Variants in CTNND2 observed in about 807,000 individuals in gnomAD.
CTNND2 encodes the protein catenin delta 2, also known as catenin delta-2.
In CTNND2, 22 loss-of-function variants were observed where a neutral mutation model predicts 144.4. The observed-to-expected ratio is 0.15, with a 90% confidence interval of 0.11 to 0.22. The LOEUF is 0.22. Ranked by LOEUF, CTNND2 falls within the 10% of genes least tolerant of loss-of-function variation. The pLI is 1.00. For synonymous variants in CTNND2, 751 were observed against 695.6 expected, an observed-to-expected ratio of 1.08 and a Z score of -1.25; for missense variants, 1,353 against 1,618.8, an observed-to-expected ratio of 0.84 and a Z score of 2.82.
At position 11,462,556 on chromosome 5, in the gene CTNND2, T is replaced by C. The variant is rs1449317428; in HGVS notation, c.288-50487A>G. ...TATAGAAGAAAGATTCTATTTTTTTTTTCCCCAGAGTAACAGAAGAATATA... is the reference window on the plus strand; with the variant it reads ...TATAGAAGAAAGATTCTATTTTTTTCTTCCCCAGAGTAACAGAAGAATATA... On this transcript the variant is annotated intron_variant, in intron 3 of 21. Transcript: ENST00000304623. Among the ~76,000 whole-genome samples, 3 of 151,896 alleles carry C rather than the reference T, an allele frequency of 2.0e-5. No individual in the cohort carries two copies. The South Asian group carries it at 6.2e-4, about 32-fold the overall frequency.
chr5:11,162,006 T>C (rs574409629), intron 11 of CTNND2, among the ~76,000 whole-genome samples: 1 of 151,904 alleles, frequency 6.6e-6, no homozygotes, highest in East Asian at 1.9e-4. Context: ...AAAAAGTAGC[T>C]GGGTGTGGTG....
At chr5:11,497,226 CT>C (rs5865948) in intron 3 of CTNND2, among the ~76,000 whole-genome samples, 147 of 145,396 alleles carry the variant, frequency 1.0e-3, no homozygotes, top group African/African-American at 1.2e-3. Context: ...CATGTGACTA[CT>C]TTTTTTTTTT....
At chr5:11,843,936 A>G (rs1794613691) in intron 1 of CTNND2, among the ~76,000 whole-genome samples, 1 of 152,228 alleles carries the variant, frequency 6.6e-6, no homozygotes, top group African/African-American at 2.4e-5. Flanking sequence ...CAGACCTTCA[A>G]ATTATAAAAT....
intron 18 of CTNND2, 44 bp from the exon 19 acceptor site, chr5:10,992,721 G>T (rs373330943): frequency 1.9e-6 from 3 of 1,595,226 alleles, no homozygotes; most frequent in Admixed American, 1.8e-5. Context: ...AAGACAGAGT[G>T]ATTTTTCACC....
chr5:11,298,053 T>A lies in CTNND2; in HGVS notation c.1628+48319A>T, dbSNP rs143304346. 3.5e-3 allele frequency among the ~76,000 whole-genome samples: 538 copies of A among 152,274 alleles called. 4 individuals are homozygous for A. Among genetic ancestry groups the A allele is most frequent in the African/African-American group, 0.012 (517 of 41,554 alleles). ...ACATCACATTTCAAAGTTAGTAAATTGTACATAAGGAACCATGCCAGTGTA... is the reference window on the plus strand; with the variant it reads ...ACATCACATTTCAAAGTTAGTAAATAGTACATAAGGAACCATGCCAGTGTA... On this transcript the variant is annotated intron_variant, in intron 9 of 21. Coordinates refer to ENST00000304623, the MANE Select transcript of CTNND2 (RefSeq NM_001332.4).
intron 10 of CTNND2, among the ~76,000 whole-genome samples, chr5:11,235,159 G>A (rs961624948): frequency 2.0e-5 from 3 of 152,068 alleles, no homozygotes; most frequent in African/African-American, 7.2e-5. Flanking sequence ...CAACACTCTT[G>A]AATCAATTCA....
At chr5:11,084,774 G>A (rs1168937897) in intron 15 of CTNND2, among the ~76,000 whole-genome samples, 2 of 152,084 alleles carry the variant, frequency 1.3e-5, no homozygotes, top group African/African-American at 4.8e-5. Flanking sequence ...CTCCAGGGAG[G>A]TCAGCATTTT....
chr5:11,237,208 A>T (rs1741748842), intron 9 of CTNND2, among the ~76,000 whole-genome samples: 1 of 151,906 alleles, frequency 6.6e-6, no homozygotes, highest in South Asian at 2.1e-4. Context: ...TTTAGTAGAG[A>T]TGCAGTTTCA....
chr5:11,726,937 A>C (rs1012356546), intron 2 of CTNND2, among the ~76,000 whole-genome samples: 2 of 152,190 alleles, frequency 1.3e-5, no homozygotes, highest in South Asian at 4.1e-4. Flanking sequence ...TTTCAGGGGG[A>C]AAAGTCAAAA....
intron 3 of CTNND2, among the ~76,000 whole-genome samples, chr5:11,509,293 G>C (rs961364010): frequency 5.3e-5 from 8 of 152,110 alleles, no homozygotes; most frequent in African/African-American, 1.9e-4. Context: ...CAGGCATTTA[G>C]ACTTATAAAA....
Position 11,031,387 on chromosome 5 carries a change from A to C in CTNND2, c.2789-8408T>G, listed in dbSNP as rs1743459989. Among the ~76,000 whole-genome samples the C allele has an allele frequency of 3.3e-5, 5 of 152,244 alleles. No homozygotes were observed. In the South Asian group the frequency reaches 8.3e-4, roughly 25 times the overall value. On this transcript the variant is annotated intron_variant, in intron 16 of 21. Coordinates refer to ENST00000304623, the MANE Select transcript of CTNND2 (RefSeq NM_001332.4). ...AGGAACATGTGCACAGCTGCCTGCT[A>C]CAGGGCTGAGGGGTGGGGGATGGGT...
In CTNND2 at chr5:11,564,959, C is replaced by T. The variant is rs550568397; in HGVS notation, c.272G>A (p.Ser91Asn). 1 of 1,613,630 alleles carries T rather than the reference C, an allele frequency of 6.2e-7. No individual in the cohort carries two copies. The highest frequency in any genetic ancestry group is 1.3e-5 in the African/African-American group (1 of 75,046). ...GCGCTAGTACCTCATGCTGCTCATG[C>T]TGCCAGTCTCGGATCCGAGCTTGCA... ...ERCKLGSETG[S>N]MSSMSSAEEQ... Residue 91 changes from serine to asparagine, a missense_variant, in exon 3 of 22, where the codon AGC becomes AAC. This residue lies in a region of CTNND2 where 708 missense variants were observed against 706.4 expected (regional missense o/e 1.00). Transcript: ENST00000304623.
At chr5:11,316,455 T>TTA (rs1255188701) in intron 9 of CTNND2, among the ~76,000 whole-genome samples, 1 of 139,234 alleles carries the variant, frequency 7.2e-6, no homozygotes, top group Non-Finnish European at 1.5e-5. Flanking sequence ...GTAGGTACTC[T>TTA]TATCCACTAT....
At chr5:11,013,842 T>C (rs1056283638) in intron 18 of CTNND2, among the ~76,000 whole-genome samples, 1 of 152,198 alleles carries the variant, frequency 6.6e-6, no homozygotes, top group Non-Finnish European at 1.5e-5. Flanking sequence ...GACTGAGCTC[T>C]CACCCCGGGG....
rs555388304 is a variant in CTNND2 at position 11,404,602 on chromosome 5, CTTTTTTTTT to C, written c.439+6925_439+6933del. Among the ~76,000 whole-genome samples, 437 of 57,330 alleles carry C rather than the reference CTTTTTTTTT, an allele frequency of 7.6e-3. 1 individual carries two copies. Among genetic ancestry groups the C allele is most frequent in the African/African-American group, 0.018 (414 of 23,554 alleles). 37.6% of individuals were successfully genotyped at this position (57,330 alleles called of 152,430 possible). A position where few individuals can be genotyped will look rare whatever the true frequency, so the allele number is the denominator to read the frequency against. ...ATCAGTATCTGTCAGTATCTGTATT[CTTTTTTTTT>C]TTTTTTTTTTTTTTTTTTTTTTTTT... On this transcript the variant is annotated intron_variant, in intron 5 of 21. Coordinates refer to ENST00000304623, the MANE Select transcript of CTNND2 (RefSeq NM_001332.4).
intron 1 of CTNND2, among the ~76,000 whole-genome samples, chr5:11,896,865 A>G (rs1441545698): frequency 1.3e-5 from 2 of 152,150 alleles, no homozygotes; most frequent in East Asian, 1.9e-4. Context: ...TCATAATTGC[A>G]TATTTCTTTG....
intron 2 of CTNND2, among the ~76,000 whole-genome samples, chr5:11,597,843 T>C (rs1052232702): frequency 1.3e-5 from 2 of 152,162 alleles, no homozygotes; most frequent in Non-Finnish European, 2.9e-5. Context: ...ACTATGGGCA[T>C]GAGCCACGAA....
chr5:11,144,442 C>A (rs1480329097), intron 12 of CTNND2, among the ~76,000 whole-genome samples: 1 of 152,094 alleles, frequency 6.6e-6, no homozygotes, highest in African/African-American at 2.4e-5. Flanking sequence ...GCAGGCTACC[C>A]GACCAGAGCC....
At chr5:11,819,192 G>A (rs1285683473) in intron 1 of CTNND2, among the ~76,000 whole-genome samples, 3 of 152,200 alleles carry the variant, frequency 2.0e-5, no homozygotes, top group African/African-American at 7.2e-5. Context: ...CCAGCACTTT[G>A]GGAGGCTGAG....
Sources: gnomAD v4.1 joint callset for allele counts (sites outside exome capture counted in the v4.1 genomes callset) on GRCh38, gnomAD v4.1.1 for gene constraint, gnomAD v4.1.1 regional missense constraint, MANE v1.5 for transcripts, NCBI Gene and HGNC (gene_info 2026-07-23, HGNC 2026-07-21) for gene names.